SLC41A2: variants seen among roughly 807,000 people sequenced by gnomAD.
SLC41A2 encodes the protein solute carrier family 41 member 2.
A neutral mutation model predicts 58.3 loss-of-function variants in SLC41A2; 32 were observed. The ratio of observed to expected loss-of-function variants is 0.55; its 90% CI spans 0.41 to 0.74. The LOEUF (loss-of-function observed/expected upper bound fraction) is 0.74. Among genes scored for constraint, SLC41A2 ranks in the 30% least tolerant of loss-of-function variants. The pLI is 0.00. For synonymous variants in SLC41A2, 190 were observed against 235.0 expected, an observed-to-expected ratio of 0.81 and a Z score of 1.75; for missense variants, 514 against 680.6, an observed-to-expected ratio of 0.76 and a Z score of 2.72.
At chr12:104,883,200 T>C (rs2044475307) in intron 6 of SLC41A2, among the ~76,000 whole-genome samples, 1 of 152,238 alleles carries the variant, frequency 6.6e-6, no homozygotes, top group South Asian at 2.1e-4. Context: ...CTACACTGTT[T>C]ATTCTAGTTA....
At chr12:104,862,558 A>C (rs1468709092) in intron 7 of SLC41A2, among the ~76,000 whole-genome samples, 1 of 152,200 alleles carries the variant, frequency 6.6e-6, no homozygotes, top group Admixed American at 6.5e-5. Flanking sequence ...TAGAAAAGAC[A>C]AAATGAAGAA....
intron 8 of SLC41A2, 52 bp from the exon 9 acceptor site, chr12:104,846,026 C>A: frequency 6.4e-7 from 1 of 1,572,822 alleles, no homozygotes; most frequent in Non-Finnish European, 8.7e-7. Flanking sequence ...AAACAATTTG[C>A]ATAAATTCAA....
intron 5 of SLC41A2, among the ~76,000 whole-genome samples, chr12:104,886,784 A>C (rs1182302853): frequency 3.9e-5 from 6 of 152,004 alleles, no homozygotes; most frequent in Admixed American, 6.5e-5. Context: ...TTTAACCCTC[A>C]AATAAAGTAT....
chr12:104,928,044 G>T lies in SLC41A2; in HGVS notation c.484C>A (p.Gln162Lys). 1.2e-6 allele frequency: 2 copies of T among 1,614,108 alleles called. No individual in the cohort carries two copies. Among genetic ancestry groups the T allele is most frequent in the Non-Finnish European group, 1.7e-6 (2 of 1,179,968 alleles). Reference protein sequence around the residue: ...PKESSGIMALQILVPFLLAGF... With the variant: ...PKESSGIMALKILVPFLLAGF... ...GCTAGCAAAAAGGGCACAAGTATTTGCAATGCCATGATGCCACTGGATTCC... is the reference window on the plus strand; with the variant it reads ...GCTAGCAAAAAGGGCACAAGTATTTTCAATGCCATGATGCCACTGGATTCC... Residue 162 changes from glutamine to lysine, a missense_variant, in exon 2 of 11, where the codon CAA becomes AAA. Coordinates refer to ENST00000258538, the MANE Select transcript of SLC41A2 (RefSeq NM_001352171.3).
chr12:104,816,425 A>C (rs891885249), intron 10 of SLC41A2, among the ~76,000 whole-genome samples: 4 of 152,168 alleles, frequency 2.6e-5, no homozygotes, highest in Non-Finnish European at 5.9e-5. Flanking sequence ...ACAAAGGGAA[A>C]CAGCATGCCA....
At chr12:104,874,038 A>G (rs1593044545) in intron 6 of SLC41A2, among the ~76,000 whole-genome samples, 1 of 148,274 alleles carries the variant, frequency 6.7e-6, no homozygotes, top group East Asian at 2.0e-4. Flanking sequence ...AATTTGGCGT[A>G]GTCTCACTTA....
chr12:104,879,695 T>C (rs921563821), intron 6 of SLC41A2, among the ~76,000 whole-genome samples: 1 of 152,158 alleles, frequency 6.6e-6, no homozygotes, highest in Non-Finnish European at 1.5e-5. Flanking sequence ...TTTGGTTACT[T>C]TAGCCTTGTA....
chr12:104,866,601 A>G, intron 6 of SLC41A2, 22 bp from the exon 7 acceptor site: 2 of 1,539,016 alleles, frequency 1.3e-6, no homozygotes, highest in Non-Finnish European at 8.8e-7. Flanking sequence ...AAAAAAAAAA[A>G]AAAGAGAGAC....
At chr12:104,915,774 C>T (rs58115870) in intron 2 of SLC41A2, among the ~76,000 whole-genome samples, 8,000 of 152,154 alleles carry the variant, frequency 0.053, 286 homozygotes, top group East Asian at 0.1. Flanking sequence ...CTTCTCCTGC[C>T]TGATTGCCCT....
intron 1 of SLC41A2, among the ~76,000 whole-genome samples, chr12:104,935,155 C>A (rs998321312): frequency 6.6e-6 from 1 of 150,724 alleles, no homozygotes; most frequent in Non-Finnish European, 1.5e-5. Context: ...AATGGGGTTT[C>A]ACCATGTTAG....
At chr12:104,927,493 A>G (rs546704945) in intron 2 of SLC41A2, among the ~76,000 whole-genome samples, 37 of 152,360 alleles carry the variant, frequency 2.4e-4, no homozygotes, top group African/African-American at 8.9e-4. Context: ...ATATGTATAT[A>G]TGTAAGCATA....
chr12:104,927,949 A>G (rs1410789101), intron 2 of SLC41A2, 24 bp downstream of exon 2: 3 of 1,522,556 alleles, frequency 2.0e-6, no homozygotes, highest in Non-Finnish European at 2.6e-6. Context: ...AAGACAGTAA[A>G]GTTAAATAAA....
In SLC41A2 at chr12:104,928,235, T is replaced by A; in HGVS notation, c.293A>T (p.Asn98Ile). 6.2e-7 allele frequency: 1 copy of A among 1,614,202 alleles called. No homozygotes were observed. The highest frequency in any genetic ancestry group is 8.5e-7 in the Non-Finnish European group (1 of 1,180,006). ...SFSEQSFHANNGHASSSCSQK... is the reference protein window; with the variant it reads ...SFSEQSFHANIGHASSSCSQK... ...GCTGCAGCTTGATGATGCGTGCCCA[T>A]TATTGGCATGAAAAGACTGCTCTGA... The change falls in exon 2 of 11, where the codon AAT (asparagine) becomes ATT (isoleucine). Residue 98 changes from asparagine to isoleucine, a missense_variant. Asn to Ile is a moderately radical substitution (Grantham distance 149, BLOSUM62 -3). Coordinates refer to ENST00000258538, the MANE Select transcript of SLC41A2 (RefSeq NM_001352171.3).
chr12:104,885,167 G>T (rs1305389323), intron 6 of SLC41A2, among the ~76,000 whole-genome samples: 4 of 152,064 alleles, frequency 2.6e-5, no homozygotes, highest in Non-Finnish European at 5.9e-5. Context: ...TTACATTTAG[G>T]CCATTGATCA....
At chr12:104,952,782 C>G (rs1338578277) in intron 1 of SLC41A2, among the ~76,000 whole-genome samples, 1 of 152,150 alleles carries the variant, frequency 6.6e-6, no homozygotes, top group African/African-American at 2.4e-5. Context: ...AAAAATGTCA[C>G]TTTAGTGTAC....
intron 7 of SLC41A2, among the ~76,000 whole-genome samples, chr12:104,863,204 G>A (rs763252274): frequency 6.6e-5 from 10 of 152,298 alleles, no homozygotes; most frequent in African/African-American, 2.4e-4. Context: ...CCGGGAGGCC[G>A]AAGTGAGAGG....
intron 1 of SLC41A2, among the ~76,000 whole-genome samples, chr12:104,938,634 C>CG (rs1185463202): frequency 6.6e-6 from 1 of 152,088 alleles, no homozygotes; most frequent in Non-Finnish European, 1.5e-5. Flanking sequence ...CCCAAGACAA[C>CG]GACAGATGGA....
At chr12:104,882,060 C>A (rs1173965817) in intron 6 of SLC41A2, among the ~76,000 whole-genome samples, 3 of 152,108 alleles carry the variant, frequency 2.0e-5, no homozygotes, top group Non-Finnish European at 4.4e-5. Context: ...ATCCCTTTAC[C>A]ATTATGTAAT....
intron 2 of SLC41A2, among the ~76,000 whole-genome samples, chr12:104,921,857 C>T (rs1285247526): frequency 1.3e-5 from 2 of 152,022 alleles, no homozygotes; most frequent in Non-Finnish European, 2.9e-5. Context: ...ATTGGAATAA[C>T]CAAAGGTCAA....
Sources: gnomAD v4.1 joint callset for allele counts (sites outside exome capture counted in the v4.1 genomes callset) on GRCh38, gnomAD v4.1.1 for gene constraint, MANE v1.5 for transcripts, NCBI Gene and HGNC (gene_info 2026-07-23, HGNC 2026-07-21) for gene names.